TMED3: variants seen among roughly 807,000 people sequenced by gnomAD.
The protein encoded by TMED3 is transmembrane emp24 domain-containing protein 3.
TMED3 carries 9 observed loss-of-function variants against 15.0 expected under a neutral mutation model. The ratio of observed to expected loss-of-function variants is 0.60; its 90% CI spans 0.36 to 1.04. The LOEUF is 1.04. Ranked by LOEUF, TMED3 falls within the 50% of genes least tolerant of loss-of-function variation. TMED3 has a pLI of 0.01. For synonymous variants in TMED3, 117 were observed against 121.4 expected (o/e 0.96, Z 0.24); for missense variants, 267 against 278.9 (o/e 0.96, Z 0.30).
At chr15:79,358,389 CTG>C (rs1196055183) in intron 2 of TMED3, among the ~76,000 whole-genome samples, 3 of 152,216 alleles carry the variant, frequency 2.0e-5, no homozygotes, top group African/African-American at 7.2e-5. Context: ...AACAACCCTA[CTG>C]TGTGTGTCTA....
chr15:79,325,673 G>A (rs2058784642), downstream of TMED3, among the ~76,000 whole-genome samples: 1 of 152,112 alleles, frequency 6.6e-6, no homozygotes, highest in Non-Finnish European at 1.5e-5. Context: ...GGCTCAGTCC[G>A]AGTCCAAAAA....
intron 2 of TMED3, among the ~76,000 whole-genome samples, chr15:79,346,816 C>T (rs922593651): frequency 9.9e-5 from 15 of 152,134 alleles, no homozygotes; most frequent in African/African-American, 3.6e-4. Context: ...TTGTAGAAGA[C>T]CTGATAGTTG....
rs569237640 is a variant in TMED3, at chr15:79,359,524, G to A, written c.417+45519G>A. ...ATTACAGGCATGAGCCACTATACCC[G>A]GCCAATTTGAAGGGGAAGGCTCCTT... On this transcript the variant is annotated intron_variant, in intron 2 of 2. Coordinates refer to the TMED3 transcript ENST00000424155. 7.2e-5 allele frequency among the ~76,000 whole-genome samples: 11 copies of A among 152,160 alleles called. No homozygotes were observed. In the South Asian group the frequency reaches 1.5e-3, roughly 20 times the overall value.
At chr15:79,323,262 G>A (rs182616166), downstream of TMED3, among the ~76,000 whole-genome samples, 2 of 152,298 alleles carry the variant, frequency 1.3e-5, no homozygotes, top group Admixed American at 1.3e-4. Context: ...TGTCTGTGCA[G>A]TAGGTCTGGA....
Position 79,409,958 on chromosome 15 carries a change from C to T in TMED3, c.418-1442C>T, listed in dbSNP as rs572151301. Among the ~76,000 whole-genome samples, 7 of 151,974 alleles carry T rather than the reference C, an allele frequency of 4.6e-5. No homozygotes were observed. In the South Asian group the frequency reaches 1.5e-3, roughly 32 times the overall value. On this transcript the variant is annotated intron_variant, in intron 2 of 2. Transcript: ENST00000424155. Reference sequence around the variant, plus strand: ...CCCCTGTAGAGGGGTAAACTAATACCCGAAGATCCATTTTAGGAAATTTTG... The same window carrying T: ...CCCCTGTAGAGGGGTAAACTAATACTCGAAGATCCATTTTAGGAAATTTTG...
chr15:79,404,586 C>T (rs76131629), intron 2 of TMED3, among the ~76,000 whole-genome samples: 1,838 of 152,266 alleles, frequency 0.012, 84 homozygotes, highest in East Asian at 0.12. Flanking sequence ...CACACTTTTT[C>T]CTCCTCCCAT....
At chr15:79,405,504 C>T (rs2055716) in intron 2 of TMED3, among the ~76,000 whole-genome samples, 65,538 of 152,006 alleles carry the variant, frequency 0.43, 14,988 homozygotes, top group Middle Eastern at 0.6. Flanking sequence ...GGACTATACA[C>T]GCTGCTTTCA....
intron 2 of TMED3, among the ~76,000 whole-genome samples, chr15:79,342,052 G>A (rs2058853620): frequency 6.6e-6 from 1 of 152,166 alleles, no homozygotes. Context: ...ACTAAAAAAC[G>A]TGGATGGGGG....
intron 2 of TMED3, among the ~76,000 whole-genome samples, chr15:79,401,807 G>T (rs1893837780): frequency 6.6e-6 from 1 of 152,128 alleles, no homozygotes; most frequent in Admixed American, 6.5e-5. Flanking sequence ...TTTGCAATGG[G>T]GTATGTTGGG....
chr15:79,321,972 G>A lies in TMED3; in HGVS notation c.418-6G>A. 1 of 1,613,542 alleles carries A rather than the reference G, an allele frequency of 6.2e-7. No individual in the cohort carries two copies. Among genetic ancestry groups the A allele is most frequent in the Non-Finnish European group, 8.5e-7 (1 of 1,179,688 alleles). On this transcript the variant is annotated splice_region_variant and splice_polypyrimidine_tract_variant and intron_variant, in intron 2 of 2. Coordinates refer to ENST00000299705, the MANE Select transcript of TMED3 (RefSeq NM_007364.4). ...GCAGTGTGACTGCTTTTCTCTTCCT[G>A]CCCAGATGGAGTCCGCCTGCGTGAC...
intron 2 of TMED3, among the ~76,000 whole-genome samples, chr15:79,360,825 A>T (rs767168606): frequency 1.3e-5 from 2 of 152,218 alleles, no homozygotes; most frequent in African/African-American, 4.8e-5. Flanking sequence ...AAACGAATAC[A>T]TAATATTCCA....
intron 2 of TMED3, among the ~76,000 whole-genome samples, chr15:79,364,084 A>G (rs1210664376): frequency 2.0e-5 from 3 of 152,150 alleles, no homozygotes; most frequent in African/African-American, 4.8e-5. Context: ...GTGGAGTAGT[A>G]TTTTTTAAGC....
At chr15:79,408,200 C>T (rs1365412663) in intron 2 of TMED3, among the ~76,000 whole-genome samples, 1 of 152,226 alleles carries the variant, frequency 6.6e-6, no homozygotes, top group Non-Finnish European at 1.5e-5. Context: ...AAATCCCTCT[C>T]TGCTCACATC....
intron 2 of TMED3, among the ~76,000 whole-genome samples, chr15:79,405,889 A>G (rs1196971901): frequency 6.6e-6 from 1 of 152,182 alleles, no homozygotes; most frequent in African/African-American, 2.4e-5. Flanking sequence ...TCCCACAGAA[A>G]GGTGAGCTGC....
Position 79,360,008 on chromosome 15 carries a change from C to G in TMED3, c.417+46003C>G, listed in dbSNP as rs143709407. ...CTGTACTTTACTATGTTATACTCTT[C>G]CACTGTTACCCAAAACCTTTAGCAA... On this transcript the variant is annotated intron_variant, in intron 2 of 2. Transcript: ENST00000424155. Among the ~76,000 whole-genome samples, 593 of 152,306 alleles carry G rather than the reference C, an allele frequency of 3.9e-3. 2 individuals carry two copies. Among genetic ancestry groups the G allele is most frequent in the African/African-American group, 0.014 (561 of 41,550 alleles).
chr15:79,395,944 T>G (rs1443728495), intron 2 of TMED3, among the ~76,000 whole-genome samples: 2 of 152,274 alleles, frequency 1.3e-5, no homozygotes, highest in Non-Finnish European at 2.9e-5. Flanking sequence ...TGCTGATAAG[T>G]CATGGTCAGT....
chr15:79,343,196 A>G (rs574965789), intron 2 of TMED3, among the ~76,000 whole-genome samples: 3 of 152,322 alleles, frequency 2.0e-5, no homozygotes, highest in East Asian at 1.9e-4. Flanking sequence ...CTTTCAGGCC[A>G]TGATGGGACG....
chr15:79,385,837 G>A (rs535609835), intron 2 of TMED3, among the ~76,000 whole-genome samples: 1 of 152,336 alleles, frequency 6.6e-6, no homozygotes, highest in South Asian at 2.1e-4. Context: ...TGGCTTCATG[G>A]AGTGTGCAGT....
At chr15:79,320,453 C>T (rs556770087) in intron 2 of TMED3, among the ~76,000 whole-genome samples, 7 of 152,136 alleles carry the variant, frequency 4.6e-5, no homozygotes, top group African/African-American at 1.4e-4. Flanking sequence ...ACAGCTCGTG[C>T]CCTCGGTCTC....
Sources: allele counts gnomAD v4.1 joint callset (sites outside exome capture counted in the v4.1 genomes callset), GRCh38; gene constraint gnomAD v4.1.1; transcripts MANE v1.5; gene names NCBI Gene and HGNC (gene_info 2026-07-23, HGNC 2026-07-21).